Variants in TMTC1 observed in about 807,000 individuals in gnomAD.
The protein encoded by TMTC1 is protein O-mannosyl-transferase TMTC1.
A neutral mutation model predicts 104.8 loss-of-function variants in TMTC1; 73 were observed. The observed-to-expected ratio is 0.70, with a 90% CI of 0.58 to 0.85. The LOEUF (loss-of-function observed/expected upper bound fraction) is 0.85. Among genes scored for constraint, TMTC1 ranks in the 40% least tolerant of loss-of-function variants. The pLI is 0.00. For missense variants in TMTC1, 1,035 were observed against 1,096.1 expected, an observed-to-expected ratio of 0.94 and a Z score of 0.79; for synonymous variants, 434 against 428.7, an observed-to-expected ratio of 1.01 and a Z score of -0.15.
intron 10 of TMTC1, among the ~76,000 whole-genome samples, chr12:29,543,813 A>G (rs1944867987): frequency 6.6e-6 from 1 of 152,226 alleles, no homozygotes; most frequent in South Asian, 2.1e-4. Flanking sequence ...TTTACTGAGC[A>G]CACCTGGGAA....
At chr12:29,566,636 G>C (rs1370655005) in intron 9 of TMTC1, among the ~76,000 whole-genome samples, 1 of 152,184 alleles carries the variant, frequency 6.6e-6, no homozygotes, top group Non-Finnish European at 1.5e-5. Context: ...CTGCGGTCTA[G>C]CTGAGAGGTG....
intron 10 of TMTC1, among the ~76,000 whole-genome samples, chr12:29,551,724 T>A (rs1217627824): frequency 6.6e-6 from 1 of 152,026 alleles, no homozygotes; most frequent in African/African-American, 2.4e-5. Context: ...TGTTGAGCCA[T>A]CAGGGACTTC....
intron 5 of TMTC1, among the ~76,000 whole-genome samples, chr12:29,649,416 T>C (rs1227835547): frequency 6.6e-6 from 1 of 152,172 alleles, no homozygotes; most frequent in African/African-American, 2.4e-5. Flanking sequence ...GATTTCAAGC[T>C]ATGAGAAACT....
chr12:29,741,739 C>T (rs891969972), intron 5 of TMTC1, among the ~76,000 whole-genome samples: 14 of 152,180 alleles, frequency 9.2e-5, no homozygotes, highest in Non-Finnish European at 1.8e-4. Context: ...GAATGAAAAG[C>T]GTTTTAATGC....
intron 5 of TMTC1, among the ~76,000 whole-genome samples, chr12:29,672,989 G>C (rs981080913): frequency 2.0e-5 from 3 of 152,180 alleles, no homozygotes; most frequent in Non-Finnish European, 4.4e-5. Flanking sequence ...ATTTAAGATA[G>C]GATGGTTGAC....
chr12:29,663,615 C>T (rs1174529772), intron 5 of TMTC1, among the ~76,000 whole-genome samples: 1 of 151,736 alleles, frequency 6.6e-6, no homozygotes, highest in East Asian at 1.9e-4. Flanking sequence ...CTCCCGGGTT[C>T]AAGCTATTCT....
At chr12:29,682,953 T>C (rs1289299463) in intron 5 of TMTC1, among the ~76,000 whole-genome samples, 1 of 152,098 alleles carries the variant, frequency 6.6e-6, no homozygotes, top group Non-Finnish European at 1.5e-5. Context: ...ATGTAACCAT[T>C]GGAAGCAACT....
intron 5 of TMTC1, among the ~76,000 whole-genome samples, chr12:29,644,159 A>G (rs1939161051): frequency 1.4e-5 from 2 of 139,110 alleles, no homozygotes; most frequent in African/African-American, 2.7e-5. Flanking sequence ...GTATATATAT[A>G]TATAATGAAA....
intron 10 of TMTC1, among the ~76,000 whole-genome samples, chr12:29,541,579 C>A (rs376750434): frequency 6.6e-6 from 1 of 151,832 alleles, no homozygotes; most frequent in East Asian, 1.9e-4. Flanking sequence ...ACATTTCAAA[C>A]CATTCATAAA....
intron 6 of TMTC1, among the ~76,000 whole-genome samples, chr12:29,629,041 C>G (rs995478478): frequency 6.6e-6 from 1 of 151,366 alleles, no homozygotes; most frequent in African/African-American, 2.4e-5. Context: ...TATGATGGGC[C>G]GGGCACGGTG....
chr12:29,560,352 CTATT>C (rs1225414563), intron 9 of TMTC1, among the ~76,000 whole-genome samples: 1 of 152,072 alleles, frequency 6.6e-6, no homozygotes, highest in Non-Finnish European at 1.5e-5. Flanking sequence ...GATTCTTTTG[CTATT>C]TATTATTATT....
chr12:29,563,103 C>A (rs1458510984), intron 9 of TMTC1, among the ~76,000 whole-genome samples: 1 of 152,134 alleles, frequency 6.6e-6, no homozygotes, highest in African/African-American at 2.4e-5. Flanking sequence ...GGCAAGTAAC[C>A]CTCTCCATTT....
rs542174386 is a variant in TMTC1, at chr12:29,754,833, G to A, written c.731+876C>T. ...AGAATTTCCTGACTCATCTCAGCGTGTTGCCACTCAATATCACTGCTCTTA... is the reference window on the plus strand; with the variant it reads ...AGAATTTCCTGACTCATCTCAGCGTATTGCCACTCAATATCACTGCTCTTA... On this transcript the variant is annotated intron_variant, in intron 4 of 17. Transcript: ENST00000539277. Among the ~76,000 whole-genome samples, 7 of 152,244 alleles carry A rather than the reference G, an allele frequency of 4.6e-5. No individual in the cohort carries two copies. The South Asian group carries it at 6.2e-4, about 14-fold the overall frequency.
intron 5 of TMTC1, among the ~76,000 whole-genome samples, chr12:29,638,682 G>A (rs1374991004): frequency 6.6e-6 from 1 of 152,148 alleles, no homozygotes; most frequent in Non-Finnish European, 1.5e-5. Context: ...ATGCTGCCAG[G>A]GGGTTGGAGC....
chr12:29,655,697 C>T (rs1250989241), intron 5 of TMTC1, among the ~76,000 whole-genome samples: 1 of 152,078 alleles, frequency 6.6e-6, no homozygotes, highest in African/African-American at 2.4e-5. Context: ...CAGGGTATTC[C>T]CTCTGAGTTA....
At chr12:29,728,613 C>T (rs79008676) in intron 5 of TMTC1, among the ~76,000 whole-genome samples, 5,312 of 152,106 alleles carry the variant, frequency 0.035, 181 homozygotes, top group African/African-American at 0.09. Context: ...TTGGTAGAAA[C>T]GCTGACTCTC....
chr12:29,589,272 G>C (rs1215015598), intron 7 of TMTC1, among the ~76,000 whole-genome samples: 1 of 152,170 alleles, frequency 6.6e-6, no homozygotes, highest in East Asian at 1.9e-4. Flanking sequence ...TTTGGAGAAA[G>C]GCACAGACTG....
chr12:29,521,274 T>A (rs966226116), intron 11 of TMTC1, among the ~76,000 whole-genome samples: 1 of 152,214 alleles, frequency 6.6e-6, no homozygotes, highest in African/African-American at 2.4e-5. Flanking sequence ...TGGGGAGGGC[T>A]CTGCCCTATC....
chr12:29,695,203 GA>G (rs1366281984), intron 5 of TMTC1, among the ~76,000 whole-genome samples: 5 of 152,098 alleles, frequency 3.3e-5, no homozygotes, highest in Admixed American at 3.3e-4. Context: ...CTCTTGATTG[GA>G]TTTGGGGCCA....
Sources: gnomAD v4.1 joint callset for allele counts (sites outside exome capture counted in the v4.1 genomes callset) on GRCh38, gnomAD v4.1.1 for gene constraint, MANE v1.5 for transcripts, NCBI Gene and HGNC (gene_info 2026-07-23, HGNC 2026-07-21) for gene names.